MYO6: variants seen among roughly 807,000 people sequenced by gnomAD.
The protein encoded by MYO6 is unconventional myosin-VI.
MYO6 carries 74 observed loss-of-function variants against 178.7 expected under a neutral mutation model. That is an observed-to-expected ratio of 0.41 (90% CI 0.34 to 0.50). The LOEUF (loss-of-function observed/expected upper bound fraction) is 0.50, where lower values mean the gene tolerates loss of function less well. MYO6 is among the 20% of genes least tolerant of loss of function. The pLI is 0.09. For synonymous variants in MYO6, 477 were observed against 504.6 expected (o/e 0.95, Z 0.73); for missense variants, 1,330 against 1,547.4 (o/e 0.86, Z 2.36).
chr6:75,805,021 A>ATATATTTTTTTTTTTT (rs1252912172), intron 1 of MYO6, among the ~76,000 whole-genome samples: 2 of 77,284 alleles, frequency 2.6e-5, no homozygotes, highest in African/African-American at 1.0e-4. Flanking sequence ...ATATATATAT[A>ATATATTTTTTTTTTTT]TTTTTTTTTT....
chr6:75,911,082 A>AT, intron 32 of MYO6, among the ~76,000 whole-genome samples: 1 of 152,066 alleles, frequency 6.6e-6, no homozygotes, highest in South Asian at 2.1e-4. Context: ...GCAGAGGGAG[A>AT]TTTTTTAGAA....
At chr6:75,819,958 G>A (rs1001241684) in intron 2 of MYO6, among the ~76,000 whole-genome samples, 1 of 152,074 alleles carries the variant, frequency 6.6e-6, no homozygotes, top group African/African-American at 2.4e-5. Flanking sequence ...TGGCTGAAGT[G>A]CACTTAAGCC....
intron 12 of MYO6, among the ~76,000 whole-genome samples, 176 bp from the exon 13 acceptor site, chr6:75,856,916 AATTCC>A (rs768274170): frequency 3.3e-5 from 5 of 152,050 alleles, no homozygotes; most frequent in Non-Finnish European, 7.4e-5. Context: ...AATTTTAGGT[AATTCC>A]ATTAGTTTTC....
intron 6 of MYO6, among the ~76,000 whole-genome samples, chr6:75,835,533 G>A (rs1773554110): frequency 6.6e-6 from 1 of 152,152 alleles, no homozygotes; most frequent in African/African-American, 2.4e-5. Context: ...CCAGGTTCAA[G>A]CGATTCTCCT....
intron 25 of MYO6, among the ~76,000 whole-genome samples, chr6:75,888,055 C>T (rs919751110): frequency 2.0e-5 from 3 of 151,536 alleles, no homozygotes; most frequent in Non-Finnish European, 2.9e-5. Flanking sequence ...TTTGGGAGGC[C>T]GAGGTGGGCG....
At chr6:75,872,029 T>C (rs1777196613) in intron 19 of MYO6, among the ~76,000 whole-genome samples, 1 of 152,052 alleles carries the variant, frequency 6.6e-6, no homozygotes, top group South Asian at 2.1e-4. Context: ...CTTGGGAGGC[T>C]GAGGCAGAAG....
intron 1 of MYO6, among the ~76,000 whole-genome samples, chr6:75,768,449 C>T (rs984898437): frequency 1.3e-5 from 2 of 150,144 alleles, no homozygotes; most frequent in Non-Finnish European, 3.0e-5. Context: ...GGTGTGATCT[C>T]GGCTCACTGC....
intron 23 of MYO6, among the ~76,000 whole-genome samples, chr6:75,884,787 G>T (rs1562283668): frequency 6.6e-6 from 1 of 152,160 alleles, no homozygotes; most frequent in Non-Finnish European, 1.5e-5. Flanking sequence ...ACCTATCTAG[G>T]TGGCATCAGC....
In MYO6 at chr6:75,862,588, T is replaced by G. The variant is rs775205098; in HGVS notation, c.1547-8T>G. On this transcript the variant is annotated splice_polypyrimidine_tract_variant and splice_region_variant and intron_variant, in intron 15 of 34. Transcript: ENST00000369977. ...CACTATTGTGAGTGTTTTCATTTTT[T>G]GAAATAGATTTAATTGAAGCCAAAT... 5.6e-6 allele frequency: 9 copies of G among 1,610,788 alleles called. No individual in the cohort carries two copies. The highest frequency in any genetic ancestry group is 6.8e-6 in the Non-Finnish European group (8 of 1,177,082).
intron 1 of MYO6, among the ~76,000 whole-genome samples, chr6:75,802,937 T>G (rs1478692684): frequency 1.3e-5 from 2 of 152,184 alleles, no homozygotes; most frequent in African/African-American, 4.8e-5. Flanking sequence ...TTAATATCTG[T>G]GAAAGAAATT....
chr6:75,879,775 TC>T (rs748594382), intron 20 of MYO6, 44 bp from the exon 21 acceptor site: 66 of 1,613,928 alleles, frequency 4.1e-5, no homozygotes, highest in African/African-American at 1.3e-5. Flanking sequence ...ATTTTGGACT[TC>T]CGAACAGTGA....
At chr6:75,866,820 A>G (rs1776744949) in intron 17 of MYO6, 112 bp from the exon 18 acceptor site, 3 of 1,219,058 alleles carry the variant, frequency 2.5e-6, no homozygotes, top group African/African-American at 1.5e-5. Flanking sequence ...GGCGTTGGAC[A>G]GTGCAGATAC....
At chr6:75,848,652 A>G (rs1178483868) in intron 11 of MYO6, 121 bp downstream of exon 11, 2 of 926,614 alleles carry the variant, frequency 2.2e-6, no homozygotes, top group African/African-American at 3.4e-5. Flanking sequence ...TATCTAAAAT[A>G]TACTGAGTTA....
chr6:75,800,328 G>A (rs1023642931), intron 1 of MYO6, among the ~76,000 whole-genome samples: 1 of 152,124 alleles, frequency 6.6e-6, no homozygotes. Context: ...CAGGACCTGG[G>A]AGCTGCCGAG....
At chr6:75,906,464 T>C (rs1780331644) in intron 30 of MYO6, among the ~76,000 whole-genome samples, 2 of 152,018 alleles carry the variant, frequency 1.3e-5, no homozygotes, top group Non-Finnish European at 2.9e-5. Flanking sequence ...TCACTTGAGC[T>C]CAGGAGTTCG....
At chr6:75,800,525 A>T (rs1562176690) in intron 1 of MYO6, among the ~76,000 whole-genome samples, 2 of 152,210 alleles carry the variant, frequency 1.3e-5, no homozygotes, top group East Asian at 3.8e-4. Context: ...CTGTCTCAAA[A>T]AAAGAAAAAG....
chr6:75,848,585 T>C, intron 11 of MYO6, 54 bp downstream of exon 11: 2 of 1,557,082 alleles, frequency 1.3e-6, no homozygotes, highest in South Asian at 1.2e-5. Flanking sequence ...TTCTGTTATT[T>C]ATTTGTCATA....
rs530297824 is a variant in MYO6 at position 75,901,934 on chromosome 6, AG to A, written c.3176+3526del. On this transcript the variant is annotated intron_variant, in intron 30 of 34. Transcript: ENST00000369977. ...AATTTATTGAGAGTTTTTAGCATGA[AG>A]GGTTGTTGAATTTTGTCAAAAGCCT... Among the ~76,000 whole-genome samples the A allele has an allele frequency of 3.1e-3, 473 of 152,256 alleles. 6 individuals carry two copies. Among genetic ancestry groups the A allele is most frequent in the African/African-American group, 0.01 (429 of 41,538 alleles).
At chr6:75,827,942 A>G (rs140308734) in intron 3 of MYO6, among the ~76,000 whole-genome samples, 1 of 152,210 alleles carries the variant, frequency 6.6e-6, no homozygotes, top group Non-Finnish European at 1.5e-5. Flanking sequence ...AAGGACTTGG[A>G]GAATAGATTG....
Sources: allele counts gnomAD v4.1 joint callset (sites outside exome capture counted in the v4.1 genomes callset), GRCh38; gene constraint gnomAD v4.1.1; transcripts MANE v1.5; gene names NCBI Gene and HGNC (gene_info 2026-07-23, HGNC 2026-07-21).